The following IFT74 variants were observed in gnomAD, a reference collection of about 807,000 sequenced individuals.
The protein encoded by IFT74 is intraflagellar transport protein 74 homolog.
IFT74 carries 92 observed loss-of-function variants against 96.7 expected under a neutral mutation model. The observed-to-expected ratio is 0.95, with a 90% CI of 0.80 to 1.13. The LOEUF is 1.13. IFT74 is among the 50% of genes most tolerant of loss of function. The pLI is 0.00. For synonymous variants in IFT74, 223 were observed against 213.2 expected, an observed-to-expected ratio of 1.05 and a Z score of -0.40; for missense variants, 811 against 698.2, an observed-to-expected ratio of 1.16 and a Z score of -1.82.
chr9:27,015,234 T>TG (rs781343025), intron 10 of IFT74, among the ~76,000 whole-genome samples: 1 of 152,230 alleles, frequency 6.6e-6, no homozygotes, highest in Non-Finnish European at 1.5e-5. Flanking sequence ...TCTTATCTGA[T>TG]GCCTAATCTG....
chr9:27,040,384 C>G (rs759289514), intron 13 of IFT74, among the ~76,000 whole-genome samples: 1 of 151,864 alleles, frequency 6.6e-6, no homozygotes, highest in Non-Finnish European at 1.5e-5. Context: ...AACCCTGTCT[C>G]TGCTAAAAAC....
intron 1 of IFT74, among the ~76,000 whole-genome samples, chr9:26,949,885 A>G (rs1001111001): frequency 6.6e-6 from 1 of 152,206 alleles, no homozygotes; most frequent in Non-Finnish European, 1.5e-5. Flanking sequence ...CCAAAATGCT[A>G]AATTTGAAAA....
At chr9:26,969,975 G>GT (rs1563940335) in intron 2 of IFT74, among the ~76,000 whole-genome samples, 1 of 151,240 alleles carries the variant, frequency 6.6e-6, no homozygotes, top group Non-Finnish European at 1.5e-5. Flanking sequence ...TTGTTTTTTG[G>GT]TTTTTTCCTT....
rs1382380204 is a variant in IFT74, at chr9:27,017,007, G to A, written c.890G>A (p.Ser297Asn). 3 of 1,609,382 alleles carry A rather than the reference G, an allele frequency of 1.9e-6. No individual in the cohort carries two copies. In the African/African-American group the frequency reaches 4.0e-5, roughly 21 times the overall value. Residue 297 changes from serine to asparagine, a missense_variant, in exon 11 of 20, where the codon AGC becomes AAC. By Grantham distance (46) the Ser-to-Asn change is conservative. Coordinates refer to ENST00000380062, the MANE Select transcript of IFT74 (RefSeq NM_025103.4). ...HRDQMIAEDK[S>N]IGSPMEEREK... is the part of the protein sequence containing the mutation. ...GATCAAATGATTGCAGAAGACAAAAGCATAGGATCTCCAATGGAAGAGAGA... is the reference window on the plus strand; with the variant it reads ...GATCAAATGATTGCAGAAGACAAAAACATAGGATCTCCAATGGAAGAGAGA...
At chr9:26,975,701 G>A (rs1216367713) in intron 2 of IFT74, among the ~76,000 whole-genome samples, 3 of 152,102 alleles carry the variant, frequency 2.0e-5, no homozygotes, top group Admixed American at 6.5e-5. Context: ...CTCGCCCTCC[G>A]TCCTTTCAGA....
intron 8 of IFT74, chr9:27,005,610 T>C (rs1345053517): frequency 6.6e-6 from 1 of 151,986 alleles, no homozygotes; most frequent in Non-Finnish European, 1.5e-5. Context: ...CTTTTGTCTC[T>C]AAGACTTGTG....
At position 27,060,990 on chromosome 9, in the gene IFT74, A is replaced by G. The variant is rs866775191; in HGVS notation, c.1684+339A>G. 4.1e-3 allele frequency: 957 copies of G among 234,532 alleles called. 12 individuals carry two copies. The highest frequency in any genetic ancestry group is 0.021 in the African/African-American group (902 of 42,092). 14.5% of individuals were successfully genotyped at this position (234,532 alleles called of 1,614,324 possible). On this transcript the variant is annotated intron_variant, in intron 19 of 19. Transcript: ENST00000380062. ...AAAAAAAAAAAAAAAAAAAAAAAAAAAGCTGAAAATGAAATTGACTGAGTT... is the reference window on the plus strand; with the variant it reads ...AAAAAAAAAAAAAAAAAAAAAAAAAGAGCTGAAAATGAAATTGACTGAGTT...
At chr9:26,992,513 C>T (rs1379595250) in intron 8 of IFT74, among the ~76,000 whole-genome samples, 8 of 151,798 alleles carry the variant, frequency 5.3e-5, no homozygotes, top group Non-Finnish European at 8.8e-5. Context: ...GGCAATGTGG[C>T]GAAACTCTGT....
At chr9:27,025,443 C>CAAAAAAAAAAAAAAA (rs57335230) in intron 12 of IFT74, among the ~76,000 whole-genome samples, 11 of 77,700 alleles carry the variant, frequency 1.4e-4, no homozygotes, top group Admixed American at 4.6e-4. Flanking sequence ...ACTCCATCTC[C>CAAAAAAAAAAAAAAA]AAAAAAAAAA....
At chr9:27,012,708 G>GT (rs772920018) in intron 10 of IFT74, among the ~76,000 whole-genome samples, 4,154 of 53,824 alleles carry the variant, frequency 0.077, 671 homozygotes, top group Non-Finnish European at 0.1. Flanking sequence ...AAAAATGTCT[G>GT]TTTTTTTTTT....
intron 2 of IFT74, among the ~76,000 whole-genome samples, chr9:26,965,971 A>G (rs999663104): frequency 2.6e-5 from 4 of 151,966 alleles, no homozygotes; most frequent in Admixed American, 2.0e-4. Flanking sequence ...TTTCTTTATT[A>G]TGGCAGAGTA....
intron 12 of IFT74, among the ~76,000 whole-genome samples, chr9:27,025,147 A>G (rs1228222398): frequency 6.6e-6 from 1 of 152,106 alleles, no homozygotes; most frequent in Non-Finnish European, 1.5e-5. Flanking sequence ...TAGACATCCA[A>G]ATATAAGAAT....
At chr9:26,993,656 A>T (rs987862218) in intron 8 of IFT74, 4 of 152,250 alleles carry the variant, frequency 2.6e-5, no homozygotes, top group Non-Finnish European at 5.9e-5. Context: ...ACAAATTTTT[A>T]AAACTTTATT....
rs1820590050 is a variant in IFT74, at chr9:27,065,887, A to G, written c.*3151A>G. Among the ~76,000 whole-genome samples, 2 of 152,242 alleles carry G rather than the reference A, an allele frequency of 1.3e-5. No homozygotes were observed. The highest frequency in any genetic ancestry group is 4.8e-5 in the African/African-American group (2 of 41,462). ...GTCTCATTTTTGTATAACTTTTGAA[A>G]TAAAAGTAGATTATGTCTTAAAATT... On this transcript the variant is annotated 3_prime_UTR_variant, in exon 20 of 20. Transcript: ENST00000380062.
At chr9:26,995,713 G>T in intron 8 of IFT74, 1 of 1,613,806 alleles carries the variant, frequency 6.2e-7, no homozygotes, top group East Asian at 2.2e-5. Flanking sequence ...GCTCTTCCAG[G>T]CGATGATGAT....
intron 8 of IFT74, among the ~76,000 whole-genome samples, chr9:26,992,034 T>C (rs995172567): frequency 7.0e-6 from 1 of 142,420 alleles, no homozygotes; most frequent in Non-Finnish European, 1.5e-5. Flanking sequence ...AGACTCCGTC[T>C]CAAAAAAAAA....
chr9:27,030,283 G>C (rs1057454397), intron 13 of IFT74, among the ~76,000 whole-genome samples: 5 of 152,220 alleles, frequency 3.3e-5, no homozygotes, highest in Admixed American at 3.3e-4. Flanking sequence ...TAGCGGTGCA[G>C]TGGCTCAATC....
chr9:26,966,790 G>C (rs1826638813), intron 2 of IFT74, among the ~76,000 whole-genome samples: 1 of 151,886 alleles, frequency 6.6e-6, no homozygotes, highest in Non-Finnish European at 1.5e-5. Context: ...TCTTTTAGTA[G>C]TTTCATAGTT....
intron 8 of IFT74, among the ~76,000 whole-genome samples, chr9:26,999,309 A>T (rs986543038): frequency 4.5e-4 from 68 of 152,160 alleles, no homozygotes; most frequent in African/African-American, 1.4e-3. Context: ...AGTTTCTCTC[A>T]TAAATATGTG....
Sources: gnomAD v4.1 joint callset for allele counts (sites outside exome capture counted in the v4.1 genomes callset) on GRCh38, gnomAD v4.1.1 for gene constraint, MANE v1.5 for transcripts, NCBI Gene and HGNC (gene_info 2026-07-23, HGNC 2026-07-21) for gene names.